The following SLC24A2 variants were observed in gnomAD, a reference collection of about 807,000 sequenced individuals.
SLC24A2 encodes the protein solute carrier family 24 member 2, also known as sodium/potassium/calcium exchanger 2.
A neutral mutation model predicts 62.0 loss-of-function variants in SLC24A2; 36 were observed. The ratio of observed to expected loss-of-function variants is 0.58; its 90% CI spans 0.44 to 0.77. SLC24A2 has a LOEUF of 0.77. Among genes scored for constraint, SLC24A2 ranks in the 30% least tolerant of loss-of-function variants. The pLI, the probability that SLC24A2 is intolerant of heterozygous loss-of-function variation, is 0.00. For synonymous variants in SLC24A2, 358 were observed against 294.0 expected (o/e 1.22, Z -2.23); for missense variants, 846 against 817.9 (o/e 1.03, Z -0.42).
At chr9:19,889,779 A>G in the SLC24A2 span, among the ~76,000 whole-genome samples, 1 of 152,180 alleles carries the variant, frequency 6.6e-6, no homozygotes, top group Non-Finnish European at 1.5e-5. Context: ...ACCTATGCCA[A>G]TGATTCATTC....
At position 19,683,152 on chromosome 9, in the gene SLC24A2, T is replaced by C. The variant is rs78745770; in HGVS notation, c.931-60853A>G. Among the ~76,000 whole-genome samples the C allele has an allele frequency of 3.2e-4, 48 of 152,212 alleles. No homozygotes were observed. The East Asian group carries it at 6.4e-3, about 20-fold the overall frequency. On this transcript the variant is annotated intron_variant, in intron 2 of 10. Coordinates refer to ENST00000341998, the MANE Select transcript of SLC24A2 (RefSeq NM_020344.4). ...TGAAATCCTTTGAAAGGACAGTACA[T>C]TAACTATTGAACACTTACTGTATGC... is the stretch of plus-strand genomic sequence containing the variant.
chr9:19,873,633 G>C, the SLC24A2 span, among the ~76,000 whole-genome samples: 1 of 145,208 alleles, frequency 6.9e-6, no homozygotes, highest in Non-Finnish European at 1.5e-5. Flanking sequence ...TCTTTCTCTA[G>C]AGACAGGGTC....
intron 8 of SLC24A2, among the ~76,000 whole-genome samples, chr9:19,547,948 C>T (rs889805218): frequency 4.6e-5 from 7 of 151,612 alleles, no homozygotes; most frequent in Non-Finnish European, 1.0e-4. Context: ...TTTCAGGAAG[C>T]CAGGCCTTTG....
the SLC24A2 span, among the ~76,000 whole-genome samples, chr9:20,091,103 C>A: frequency 6.7e-6 from 1 of 148,906 alleles, no homozygotes. Flanking sequence ...AGGAAACAAT[C>A]TGAGAAATTG....
intron 2 of SLC24A2, among the ~76,000 whole-genome samples, chr9:19,743,009 T>C (rs555875079): frequency 4.7e-5 from 7 of 148,652 alleles, no homozygotes; most frequent in South Asian, 4.5e-4. Flanking sequence ...AGGATCCTTA[T>C]GTTACTGTTT....
At chr9:20,211,263 A>T in the SLC24A2 span, among the ~76,000 whole-genome samples, 1 of 152,202 alleles carries the variant, frequency 6.6e-6, no homozygotes, top group Non-Finnish European at 1.5e-5. Context: ...CTGTAATCCT[A>T]GCACTTTGAG....
At chr9:19,912,067 C>A in the SLC24A2 span, among the ~76,000 whole-genome samples, 1 of 152,054 alleles carries the variant, frequency 6.6e-6, no homozygotes, top group Non-Finnish European at 1.5e-5. Context: ...TTCACTATGA[C>A]CAGATAATGA....
At chr9:20,120,450 G>T in the SLC24A2 span, among the ~76,000 whole-genome samples, 1 of 152,068 alleles carries the variant, frequency 6.6e-6, no homozygotes, top group African/African-American at 2.4e-5. Flanking sequence ...AATTAATGCC[G>T]AAACAGAAAA....
chr9:19,823,539 A>G, the SLC24A2 span, among the ~76,000 whole-genome samples: 171 of 152,086 alleles, frequency 1.1e-3, no homozygotes, highest in African/African-American at 3.9e-3. Context: ...TGAGGCAGGA[A>G]AATCGTTTGA....
chr9:19,896,979 G>C, the SLC24A2 span, among the ~76,000 whole-genome samples: 1 of 152,172 alleles, frequency 6.6e-6, no homozygotes, highest in Middle Eastern at 3.2e-3. Flanking sequence ...TTGGCGAGTA[G>C]GAGTTGGACT....
At chr9:20,227,938 GT>G in the SLC24A2 span, among the ~76,000 whole-genome samples, 1 of 152,100 alleles carries the variant, frequency 6.6e-6, no homozygotes, top group Non-Finnish European at 1.5e-5. Flanking sequence ...ACCTGTTTCA[GT>G]TTAGCTTCTT....
intron 7 of SLC24A2, among the ~76,000 whole-genome samples, chr9:19,571,409 T>C (rs1228818841): frequency 6.6e-6 from 1 of 152,212 alleles, no homozygotes; most frequent in Non-Finnish European, 1.5e-5. Context: ...GCATTTTTTT[T>C]TTCTTAAGAA....
the SLC24A2 span, among the ~76,000 whole-genome samples, chr9:20,292,249 A>G: frequency 1.3e-5 from 2 of 152,248 alleles, no homozygotes; most frequent in Non-Finnish European, 2.9e-5. Context: ...TGGGAATAAC[A>G]GAAATGAAGT....
chr9:20,008,847 G>C, the SLC24A2 span, among the ~76,000 whole-genome samples: 13 of 152,142 alleles, frequency 8.5e-5, no homozygotes, highest in South Asian at 2.1e-4. Context: ...AGAACATGCA[G>C]AGAGTGATGT....
At chr9:20,010,111 C>T in the SLC24A2 span, among the ~76,000 whole-genome samples, 1 of 152,172 alleles carries the variant, frequency 6.6e-6, no homozygotes, top group Non-Finnish European at 1.5e-5. Context: ...AATCACAGAG[C>T]ACAATCAGCA....
the SLC24A2 span, among the ~76,000 whole-genome samples, chr9:20,164,104 A>G: frequency 6.6e-6 from 1 of 152,194 alleles, no homozygotes; most frequent in Admixed American, 6.5e-5. Flanking sequence ...ACCAAAAGCA[A>G]TGGCAACAAA....
intron 2 of SLC24A2, among the ~76,000 whole-genome samples, chr9:19,726,703 G>C (rs567116800): frequency 6.6e-6 from 1 of 152,122 alleles, no homozygotes; most frequent in Non-Finnish European, 1.5e-5. Context: ...ATCATTACAG[G>C]ATGGCATTAT....
In SLC24A2 at chr9:19,786,687, A is replaced by G; in HGVS notation, c.180T>C (p.Ser60=). ...STVSFSISAF[S]ETDTQSTGEA... ...CTCCTGTGCTCTGTGTATCTGTCTCAGAAAAGGCACTGATTGAAAATGAGA... is the reference window on the plus strand; with the variant it reads ...CTCCTGTGCTCTGTGTATCTGTCTCGGAAAAGGCACTGATTGAAAATGAGA... Residue 60 remains serine (S), a synonymous_variant, in exon 2 of 11, where the codon TCT becomes TCC. Transcript: ENST00000341998. The surrounding 1 kb of genome is among the most constrained non-coding windows in gnomAD (Gnocchi z 5.0). 6.2e-7 allele frequency: 1 copy of G among 1,613,210 alleles called. No homozygotes were observed. Among genetic ancestry groups the G allele is most frequent in the Non-Finnish European group, 8.5e-7 (1 of 1,179,422 alleles).
chr9:20,146,735 T>A, the SLC24A2 span, among the ~76,000 whole-genome samples: 1 of 152,084 alleles, frequency 6.6e-6, no homozygotes, highest in Non-Finnish European at 1.5e-5. Context: ...ATTCTGTATT[T>A]TCAATTCCAA....
Sources: allele counts gnomAD v4.1 joint callset (sites outside exome capture counted in the v4.1 genomes callset), GRCh38; gene constraint gnomAD v4.1.1; non-coding constraint Gnocchi (gnomAD v3.1); transcripts MANE v1.5; gene names NCBI Gene and HGNC (gene_info 2026-07-23, HGNC 2026-07-21).